Variants in INPPL1 observed in about 807,000 individuals in gnomAD.
INPPL1 encodes phosphatidylinositol 3,4,5-trisphosphate 5-phosphatase 2.
INPPL1 carries 91 observed loss-of-function variants against 139.3 expected under a neutral mutation model. That is an observed-to-expected ratio of 0.65 (90% CI 0.55 to 0.78). INPPL1 has a LOEUF of 0.78. Among genes scored for constraint, INPPL1 ranks in the 30% least tolerant of loss-of-function variants. INPPL1 has a pLI of 0.00. For synonymous variants in INPPL1, 719 were observed against 686.6 expected (o/e 1.05, Z -0.74); for missense variants, 1,411 against 1,665.6 (o/e 0.85, Z 2.66).
At position 72,235,789 on chromosome 11, in the gene INPPL1, G is replaced by A. The variant is rs767490353; in HGVS notation, c.2738+36G>A. The stretch of plus-strand genomic sequence containing the variant: ...GCTGTGTTGAATGTCATATGAAAGG[G>A]TACCTGGGGGCATCTGGTCAACCCC... On this transcript the variant is annotated intron_variant, in intron 24 of 27. Coordinates refer to ENST00000298229, the MANE Select transcript of INPPL1 (RefSeq NM_001567.4). This position sits in a 1 kb window ranked among gnomAD's most constrained non-coding sequence, Gnocchi z 4.9. 1 of 1,613,848 alleles carries A rather than the reference G, an allele frequency of 6.2e-7. No individual in the cohort carries two copies. The highest frequency in any genetic ancestry group is 2.2e-5 in the East Asian group (1 of 44,878).
At chr11:72,226,004 G>C (rs559306750) in intron 1 of INPPL1, among the ~76,000 whole-genome samples, 2 of 152,130 alleles carry the variant, frequency 1.3e-5, no homozygotes, top group Admixed American at 6.5e-5. Flanking sequence ...TGGGCCCAGT[G>C]AGTGGGAATC....
chr11:72,233,688 C>G lies in INPPL1; in HGVS notation c.2156C>G (p.Ser719Cys). The G allele has an allele frequency of 6.2e-7, 1 of 1,614,150 alleles. No homozygotes were observed. Among genetic ancestry groups the G allele is most frequent in the Non-Finnish European group, 8.5e-7 (1 of 1,180,006 alleles). Reference sequence around the variant, plus strand: ...GATGACATCGTCACCAGCGACCATTCCCCCGTGTTTGGGACATTTGAGGTT... The same window carrying G: ...GATGACATCGTCACCAGCGACCATTGCCCCGTGTTTGGGACATTTGAGGTT... Reference protein sequence around the residue: ...CTDDIVTSDHSPVFGTFEVGV... With the variant: ...CTDDIVTSDHCPVFGTFEVGV... The change falls in exon 19 of 28, where the codon TCC (serine) becomes TGC (cysteine). Residue 719 changes from serine to cysteine, a missense_variant. Physicochemically the swap from Ser to Cys is moderately radical, Grantham distance 112. Around this residue, in one of 5 missense-constraint regions of INPPL1, gnomAD observed 363 missense variants for 446.2 expected, o/e 0.81. Transcript: ENST00000298229.
Position 72,230,250 on chromosome 11 carries a change from A to AC in INPPL1, c.1071dup (p.Thr358HisfsTer12). 1.9e-6 allele frequency: 3 copies of AC among 1,608,774 alleles called. No homozygotes were observed. The highest frequency in any genetic ancestry group is 2.5e-6 in the Non-Finnish European group (3 of 1,176,622). On this transcript the variant is annotated frameshift_variant, in exon 9 of 28. Coordinates refer to ENST00000298229, the MANE Select transcript of INPPL1 (RefSeq NM_001567.4). LOFTEE classifies it high-confidence loss of function. ...ACAGCGGGACTCCCAGGAGGACTGG[A>AC]CCACCTTCACGCACGACCGCAGTGA...
At chr11:72,232,822 C>T in intron 15 of INPPL1, 53 bp from the exon 16 acceptor site, 1 of 1,613,652 alleles carries the variant, frequency 6.2e-7, no homozygotes, top group Non-Finnish European at 8.5e-7. Context: ...GGGCTATCAC[C>T]CCTGGCTCTG....
In INPPL1 at chr11:72,229,534, G is replaced by A. The variant is rs1186691780; in HGVS notation, c.729G>A (p.Met243Ile). 2 of 1,614,152 alleles carry A rather than the reference G, an allele frequency of 1.2e-6. No individual in the cohort carries two copies. Among genetic ancestry groups the A allele is most frequent in the Middle Eastern group, 1.6e-4 (1 of 6,062 alleles). ...TGTTTGACCAGCAGAGCTCGCCCAT[G>A]GTGACCCGCCTTTTGCAGCAGCAGG... ...SKVFDQQSSPMVTRLLQQQNL... is the reference protein window; with the variant it reads ...SKVFDQQSSPIVTRLLQQQNL... Residue 243 changes from methionine (M) to isoleucine (I), a missense_variant, in exon 6 of 28, where the codon ATG (methionine) becomes ATA (isoleucine). Around this residue, in one of 5 missense-constraint regions of INPPL1, gnomAD observed 504 missense variants for 595.6 expected, o/e 0.85. Transcript: ENST00000298229.
rs1565385909 is a variant in INPPL1, at chr11:72,229,152, T to C, written c.581T>C (p.Leu194Pro). ...CTGAAAGGCAGCTATGGGCTGGACC[T>C]GGAAGCTGTGAGGGGTGGAGCCAGC... is the stretch of plus-strand genomic sequence containing the variant. ...DYLKGSYGLDLEAVRGGASHL... is the reference protein window; with the variant it reads ...DYLKGSYGLDPEAVRGGASHL... Residue 194 changes from leucine (L) to proline (P), a missense_variant, in exon 5 of 28, where the codon CTG (leucine) becomes CCG (proline). Around this residue, in one of 5 missense-constraint regions of INPPL1, gnomAD observed 504 missense variants for 595.6 expected, o/e 0.85. Transcript: ENST00000298229. The C allele has an allele frequency of 1.2e-6, 2 of 1,613,894 alleles. No individual in the cohort carries two copies. The highest frequency in any genetic ancestry group is 1.7e-6 in the Non-Finnish European group (2 of 1,179,944).
At chr11:72,230,971 A>AACCCCTCCAGACCCG in intron 11 of INPPL1, 22 bp from the exon 12 acceptor site, 1 of 1,611,844 alleles carries the variant, frequency 6.2e-7, no homozygotes, top group South Asian at 1.1e-5. Context: ...CTCCAGACCC[A>AACCCCTCCAGACCCG]CCTCACCCCC....
At position 72,237,538 on chromosome 11, in the gene INPPL1, A is replaced by G. The variant is rs148635039; in HGVS notation, c.3294A>G (p.Pro1098=). ...PPPPKAHPRP[P]LPPGPSPAST... ...CTCCCAAGGCCCATCCAAGGCCTCC[A>G]CTGCCCCCAGGCCCCTCACCAGCCA... The change falls in exon 26 of 28, where the codon CCA becomes CCG. Residue 1098 remains proline (P), a synonymous_variant. Transcript: ENST00000298229. 216 of 1,604,536 alleles carry G rather than the reference A, an allele frequency of 1.3e-4. No homozygotes were observed. In the African/African-American group the frequency reaches 2.5e-3, roughly 18 times the overall value.
In INPPL1 at chr11:72,237,340, T is replaced by C; in HGVS notation, c.3096T>C (p.Pro1032=). The C allele has an allele frequency of 6.2e-7, 1 of 1,613,538 alleles. No individual in the cohort carries two copies. The highest frequency in any genetic ancestry group is 8.5e-7 in the Non-Finnish European group (1 of 1,179,934). Residue 1032 remains proline, a synonymous_variant, in exon 26 of 28, where the codon CCT becomes CCC. Transcript: ENST00000298229. ...PAPQLGHHRH[P]RVGEGSSSDE... ...CACAGCTTGGGCACCACCGGCACCC[T>C]CGTGTGGGAGAGGGGAGTTCTTCAG...
chr11:72,224,398 G>C (rs539528049), upstream of INPPL1, among the ~76,000 whole-genome samples: 10 of 151,982 alleles, frequency 6.6e-5, no homozygotes, highest in African/African-American at 2.4e-4. Context: ...AAGCTGTAAG[G>C]GGGACGAGAG....
intron 1 of INPPL1, among the ~76,000 whole-genome samples, chr11:72,226,267 G>A (rs1264200516): frequency 2.1e-5 from 3 of 143,116 alleles, no homozygotes; most frequent in African/African-American, 5.2e-5. Context: ...TGCAACCTCC[G>A]CCTCCTGGAT....
intron 1 of INPPL1, among the ~76,000 whole-genome samples, chr11:72,226,085 C>T (rs951080337): frequency 6.6e-5 from 10 of 152,084 alleles, no homozygotes; most frequent in African/African-American, 2.4e-4. Context: ...TGTGAACCCC[C>T]TCCCAAACTC....
Position 72,235,261 on chromosome 11 carries a change from T to C in INPPL1, c.2504-35T>C. The C allele has an allele frequency of 6.2e-7, 1 of 1,613,666 alleles. No individual in the cohort carries two copies. Among genetic ancestry groups the C allele is most frequent in the Non-Finnish European group, 8.5e-7 (1 of 1,179,818 alleles). On this transcript the variant is annotated intron_variant, in intron 22 of 27. Transcript: ENST00000298229. The surrounding 1 kb of genome is among the most constrained non-coding windows in gnomAD (Gnocchi z 4.9). ...AGCCAGACAGGGCCCTAGATTAGCT[T>C]GGTAATTTGCTGGTTTGTCCCATCT...
chr11:72,227,322 G>GT (rs1451660591), intron 1 of INPPL1, among the ~76,000 whole-genome samples: 1 of 152,202 alleles, frequency 6.6e-6, no homozygotes, highest in African/African-American at 2.4e-5. Flanking sequence ...TGAGAATTAA[G>GT]TAAGATTTAT....
Position 72,234,484 on chromosome 11 carries a change from T to TG in INPPL1, c.2327-42dup, listed in dbSNP as rs1216809301. On this transcript the variant is annotated intron_variant, in intron 20 of 27. Transcript: ENST00000298229. This position sits in a 1 kb window ranked among gnomAD's most constrained non-coding sequence, Gnocchi z 4.2. The stretch of plus-strand genomic sequence containing the variant: ...CCCCCTACTTAGGGGGAAAGGAAGC[T>TG]GAGAGGTGGTGCTCAGTTGGGTGTC... 6.3e-7 allele frequency: 1 copy of TG among 1,594,040 alleles called. No homozygotes were observed. Among genetic ancestry groups the TG allele is most frequent in the Non-Finnish European group, 8.6e-7 (1 of 1,161,918 alleles).
In INPPL1 at chr11:72,230,385, C is replaced by T. The variant is rs754156985; in HGVS notation, c.1114C>T (p.Arg372Cys). ...AGTCCGCCAGCTCATTAAGTCCCAG[C>T]GTGTCCAGAACAAGCTGGGTGTTGT... The part of the protein sequence containing the change: ...DRIRQLIKSQ[R>C]VQNKLGVVFE... The change falls in exon 10 of 28, where the codon CGT becomes TGT. Residue 372 changes from arginine (R) to cysteine (C), a missense_variant. Physicochemically the swap from Arg to Cys is radical, Grantham distance 180 (BLOSUM62 -3). This residue lies in a region of INPPL1 where 504 missense variants were observed against 595.6 expected (regional missense o/e 0.85). Transcript: ENST00000298229. 16 of 1,614,000 alleles carry T rather than the reference C, an allele frequency of 9.9e-6. No homozygotes were observed. Among genetic ancestry groups the T allele is most frequent in the Admixed American group, 6.7e-5 (4 of 60,012 alleles).
chr11:72,225,275 C>A, intron 1 of INPPL1, 109 bp downstream of exon 1: 3 of 1,220,280 alleles, frequency 2.5e-6, no homozygotes, highest in Non-Finnish European at 3.1e-6. Flanking sequence ...GACGCCAGAC[C>A]CGCCTCCACC....
intron 19 of INPPL1, among the ~76,000 whole-genome samples, 176 bp downstream of exon 19, chr11:72,233,920 C>T (rs1280194941): frequency 1.3e-5 from 2 of 152,100 alleles, no homozygotes; most frequent in Non-Finnish European, 2.9e-5. Context: ...TGGGCCATCA[C>T]AAGAGTTGTG....
intron 10 of INPPL1, 51 bp from the exon 11 acceptor site, chr11:72,230,745 G>A (rs779631459): frequency 7.3e-6 from 11 of 1,497,184 alleles, no homozygotes; most frequent in Non-Finnish European, 1.0e-5. Context: ...CCCTGTGGAC[G>A]GGGGGCTTCC....
Sources: gnomAD v4.1 joint callset for allele counts (sites outside exome capture counted in the v4.1 genomes callset) on GRCh38, gnomAD v4.1.1 for gene constraint, gnomAD v4.1.1 regional missense constraint, Gnocchi (gnomAD v3.1) non-coding constraint, MANE v1.5 for transcripts, NCBI Gene and HGNC (gene_info 2026-07-23, HGNC 2026-07-21) for gene names.